AREL1: variants seen among roughly 807,000 people sequenced by gnomAD.
The protein encoded by AREL1 is apoptosis resistant E3 ubiquitin protein ligase 1.
A neutral mutation model predicts 99.0 loss-of-function variants in AREL1; 62 were observed. The ratio of observed to expected loss-of-function variants is 0.63; its 90% confidence interval spans 0.51 to 0.77. The LOEUF is 0.77. Ranked by LOEUF, AREL1 falls within the 30% of genes least tolerant of loss-of-function variation. The pLI is 0.00. For synonymous variants in AREL1, 380 were observed against 376.5 expected (o/e 1.01, Z -0.11); for missense variants, 879 against 1,027.6 (o/e 0.86, Z 1.98).
chr14:74,661,449 A>G lies in AREL1; in HGVS notation c.*2271T>C, dbSNP rs1462400309. The G allele has an allele frequency of 5.6e-6, 2 of 357,974 alleles. No homozygotes were observed. Among genetic ancestry groups the G allele is most frequent in the South Asian group, 2.0e-5 (1 of 49,610 alleles). 22.2% of individuals were successfully genotyped at this position (357,974 alleles called of 1,614,324 possible). A position where few individuals can be genotyped will look rare whatever the true frequency, so the allele number is the denominator to read the frequency against. On this transcript the variant is annotated 3_prime_UTR_variant, in exon 20 of 20. Coordinates refer to ENST00000356357, the MANE Select transcript of AREL1 (RefSeq NM_001039479.2). ...AAAGACGCTAAAAGGCCAGAAGGGT[A>G]GCTGGCCCCCCAAGTACCTGGGTCA...
chr14:74,693,028 C>T (rs987909749), intron 1 of AREL1, among the ~76,000 whole-genome samples: 1 of 152,038 alleles, frequency 6.6e-6, no homozygotes, highest in Non-Finnish European at 1.5e-5. Context: ...AGGCCACAGA[C>T]TTAAAGAGTA....
chr14:74,687,742 T>C (rs1055098677), intron 2 of AREL1, among the ~76,000 whole-genome samples: 8 of 152,156 alleles, frequency 5.3e-5, no homozygotes, highest in African/African-American at 1.7e-4. Context: ...CACAGTGAGT[T>C]CTCAAAGTTT....
intron 1 of AREL1, among the ~76,000 whole-genome samples, chr14:74,707,429 A>G (rs4899532): frequency 0.75 from 112,950 of 150,886 alleles, 42,197 homozygotes; most frequent in African/African-American, 0.76. Context: ...TTGGGAGGCC[A>G]AGGTGGGCGG....
intron 12 of AREL1, among the ~76,000 whole-genome samples, 162 bp from the exon 13 acceptor site, chr14:74,671,033 C>T (rs570642305): frequency 8.5e-5 from 13 of 152,218 alleles, no homozygotes; most frequent in African/African-American, 3.1e-4. Flanking sequence ...GAAATCCCAC[C>T]CCTTTTTGTA....
chr14:74,684,435 G>A lies in AREL1; in HGVS notation c.243+19C>T. 6.2e-7 allele frequency: 1 copy of A among 1,611,180 alleles called. No individual in the cohort carries two copies. The highest frequency in any genetic ancestry group is 1.1e-5 in the South Asian group (1 of 91,028). ...ACTCAGAAACCCCAATGGGTATGGA[G>A]ACAGAAACATTCCCTTACATGCACT... On this transcript the variant is annotated intron_variant, in intron 4 of 19. Transcript: ENST00000356357.
At chr14:74,700,429 AG>A (rs772033316) in intron 1 of AREL1, among the ~76,000 whole-genome samples, 2 of 152,192 alleles carry the variant, frequency 1.3e-5, no homozygotes, top group Admixed American at 6.5e-5. Context: ...AACTTCCAGA[AG>A]GGGGGAAAAA....
At chr14:74,699,407 G>C (rs188235475) in intron 1 of AREL1, among the ~76,000 whole-genome samples, 30 of 151,970 alleles carry the variant, frequency 2.0e-4, no homozygotes, top group African/African-American at 6.0e-4. Context: ...AAGAGCAAGA[G>C]AGAGAGAGAG....
intron 4 of AREL1, among the ~76,000 whole-genome samples, chr14:74,684,193 A>G (rs1202889623): frequency 1.3e-5 from 2 of 152,206 alleles, no homozygotes; most frequent in Admixed American, 6.5e-5. Flanking sequence ...GCTAACCCCT[A>G]TCTATAATAC....
At position 74,661,390 on chromosome 14, in the gene AREL1, T is replaced by C. The variant is rs1157348034; in HGVS notation, c.*2330A>G. ...CAATTTTCCAGAAACATGCTGACACTCTCCTAGGTATTCACTCATGTCTGG... is the reference window on the plus strand; with the variant it reads ...CAATTTTCCAGAAACATGCTGACACCCTCCTAGGTATTCACTCATGTCTGG... On this transcript the variant is annotated 3_prime_UTR_variant, in exon 20 of 20. Transcript: ENST00000356357. 1 of 454,252 alleles carries C rather than the reference T, an allele frequency of 2.2e-6. No homozygotes were observed. The highest frequency in any genetic ancestry group is 2.4e-5 in the Admixed American group (1 of 42,282). The allele number at this position is 454,252 out of a possible 1,614,324, so 28.1% of individuals were successfully genotyped here. A position where few individuals can be genotyped will look rare whatever the true frequency, so the allele number is the denominator to read the frequency against.
At chr14:74,691,010 GAGATTCA>G (rs1044231424) in intron 2 of AREL1, 1 of 151,590 alleles carries the variant, frequency 6.6e-6, no homozygotes, top group Non-Finnish European at 1.5e-5. Context: ...TGACAGAGTT[GAGATTCA>G]AGCCGGGCTG....
chr14:74,685,849 A>G (rs1839025118), intron 2 of AREL1, among the ~76,000 whole-genome samples, 189 bp from the exon 3 acceptor site: 1 of 152,252 alleles, frequency 6.6e-6, no homozygotes, highest in East Asian at 1.9e-4. Flanking sequence ...AGACTGCATC[A>G]TTCCCCTTAA....
intron 1 of AREL1, chr14:74,712,101 A>C (rs1014092193): frequency 2.7e-5 from 4 of 150,630 alleles, no homozygotes; most frequent in Admixed American, 1.3e-4. Flanking sequence ...AAAGAAAAAG[A>C]AAAAAAGAAA....
chr14:74,705,524 C>A (rs540926978), intron 1 of AREL1, among the ~76,000 whole-genome samples: 2 of 152,112 alleles, frequency 1.3e-5, no homozygotes, highest in South Asian at 2.1e-4. Flanking sequence ...ATTCCACAAC[C>A]CAGAACATGC....
In AREL1 at chr14:74,670,118, G is replaced by C; in HGVS notation, c.1617C>G (p.Pro539=). 1 of 1,602,898 alleles carries C rather than the reference G, an allele frequency of 6.2e-7. No individual in the cohort carries two copies. The highest frequency in any genetic ancestry group is 8.5e-7 in the Non-Finnish European group (1 of 1,173,534). The change falls in exon 14 of 20, where the codon CCC becomes CCG. Residue 539 remains proline (P), a synonymous_variant. Coordinates refer to ENST00000356357, the MANE Select transcript of AREL1 (RefSeq NM_001039479.2). ...GCAGATGAGCGGGGCGATTAGGGTT[G>C]GGATGCACCTGTCCAAGAAAGAGAC... ...FSDNNQALVH[P]NPNRPAHLRL... is the part of the protein sequence containing the mutation.
intron 1 of AREL1, among the ~76,000 whole-genome samples, chr14:74,711,212 CA>C (rs2090277462): frequency 7.6e-6 from 1 of 131,568 alleles, no homozygotes; most frequent in African/African-American, 2.9e-5. Flanking sequence ...GCCTGGGTAA[CA>C]AGAGCGAAAC....
In AREL1 at chr14:74,674,026, C is replaced by T. The variant is rs2089416972; in HGVS notation, c.1158+8G>A. ...CTTGATGTGAACCAGATGTAAGGTT[C>T]AGCTTACTTTTGTTCCTGGACACAC... On this transcript the variant is annotated splice_region_variant and intron_variant, in intron 9 of 19. Coordinates refer to ENST00000356357, the MANE Select transcript of AREL1 (RefSeq NM_001039479.2). The T allele has an allele frequency of 6.2e-7, 1 of 1,604,718 alleles. No individual in the cohort carries two copies. The highest frequency in any genetic ancestry group is 8.5e-7 in the Non-Finnish European group (1 of 1,171,764).
In AREL1 at chr14:74,673,171, C is replaced by A. The variant is rs202100309; in HGVS notation, c.1206G>T (p.Val402=). The change falls in exon 10 of 20, where the codon GTG becomes GTT. Residue 402 remains valine (V), a synonymous_variant. Coordinates refer to ENST00000356357, the MANE Select transcript of AREL1 (RefSeq NM_001039479.2). ...CAGGAGGTTGAATGCCATCATCCACCACCAGTGTGAGCAGCTTATGGACAG... is the reference window on the plus strand; with the variant it reads ...CAGGAGGTTGAATGCCATCATCCACAACCAGTGTGAGCAGCTTATGGACAG... ...PDPVHKLLTL[V]VDDGIQPPVE... The A allele has an allele frequency of 1.9e-6, 3 of 1,614,052 alleles. No individual in the cohort carries two copies. The East Asian group carries it at 6.7e-5, about 36-fold the overall frequency.
chr14:74,671,569 GTC>G, intron 11 of AREL1, 86 bp from the exon 12 acceptor site: 3 of 862,096 alleles, frequency 3.5e-6, no homozygotes, highest in Non-Finnish European at 5.4e-6. Flanking sequence ...CACTGCCATT[GTC>G]TGCTGGACTA....
intron 8 of AREL1, among the ~76,000 whole-genome samples, chr14:74,674,764 G>A (rs1447021613): frequency 6.6e-6 from 1 of 152,082 alleles, no homozygotes; most frequent in Non-Finnish European, 1.5e-5. Flanking sequence ...CTTCTGCTCA[G>A]CCCCATGATG....
Sources: allele counts gnomAD v4.1 joint callset (sites outside exome capture counted in the v4.1 genomes callset), GRCh38; gene constraint gnomAD v4.1.1; transcripts MANE v1.5; gene names NCBI Gene and HGNC (gene_info 2026-07-23, HGNC 2026-07-21).